The following CNDP1 variants were observed in gnomAD, a reference collection of about 807,000 sequenced individuals.
The protein encoded by CNDP1 is carnosine dipeptidase 1.
In CNDP1, 44 loss-of-function variants were observed where a neutral mutation model predicts 58.1. The ratio of observed to expected loss-of-function variants is 0.76; its 90% CI spans 0.60 to 0.97. The LOEUF is 0.97. CNDP1 is among the 50% of genes least tolerant of loss of function. The probability of loss-of-function intolerance (pLI) is 0.00; values close to 1 mark genes in which losing one functional copy is unlikely to be tolerated. For synonymous variants in CNDP1, 254 were observed against 252.6 expected, an observed-to-expected ratio of 1.01 and a Z score of -0.05; for missense variants, 616 against 655.1, an observed-to-expected ratio of 0.94 and a Z score of 0.65.
intron 1 of CNDP1, among the ~76,000 whole-genome samples, chr18:74,542,271 C>T (rs1980644970): frequency 6.6e-6 from 1 of 152,190 alleles, no homozygotes; most frequent in Admixed American, 6.5e-5. Flanking sequence ...ATTTATTAGT[C>T]ATTATTAGCC....
intron 1 of CNDP1, among the ~76,000 whole-genome samples, chr18:74,555,405 G>T (rs932547836): frequency 6.6e-6 from 1 of 152,088 alleles, no homozygotes; most frequent in African/African-American, 2.4e-5. Context: ...TCTCCAGCCC[G>T]CCTCTGATGG....
intron 5 of CNDP1, 128 bp from the exon 6 acceptor site, chr18:74,567,105 A>G (rs2144661893): frequency 1.4e-6 from 1 of 710,672 alleles, no homozygotes; most frequent in East Asian, 2.7e-5. Context: ...TGATTCAATT[A>G]CCTCCCCCTG....
intron 1 of CNDP1, among the ~76,000 whole-genome samples, chr18:74,555,825 C>T (rs1005447133): frequency 5.9e-5 from 9 of 152,126 alleles, no homozygotes; most frequent in East Asian, 1.9e-4. Flanking sequence ...CCACCTCAGA[C>T]GTTTTTCTTC....
At position 74,585,290 on chromosome 18, in the gene CNDP1, A is replaced by G. The variant is rs1031464135; in HGVS notation, c.*728A>G. On this transcript the variant is annotated 3_prime_UTR_variant, in exon 12 of 12. Coordinates refer to ENST00000358821, the MANE Select transcript of CNDP1 (RefSeq NM_032649.6). ...GTTCCTTCTTCCTGTCCCATCAGAAAAGGCCCACTCTCTCTCTATCCAACA... is the reference window on the plus strand; with the variant it reads ...GTTCCTTCTTCCTGTCCCATCAGAAGAGGCCCACTCTCTCTCTATCCAACA... The G allele has an allele frequency of 4.6e-5, 7 of 152,150 alleles. No homozygotes were observed. Among genetic ancestry groups the G allele is most frequent in the African/African-American group, 7.2e-5 (3 of 41,406 alleles). 9.4% of individuals were successfully genotyped at this position (152,150 alleles called of 1,614,324 possible).
intron 9 of CNDP1, among the ~76,000 whole-genome samples, chr18:74,579,176 C>A (rs924523703): frequency 7.0e-6 from 1 of 143,386 alleles, no homozygotes; most frequent in African/African-American, 2.6e-5. Flanking sequence ...TCTCCCTTCT[C>A]CCTTCTCCCT....
intron 6 of CNDP1, among the ~76,000 whole-genome samples, chr18:74,570,674 C>T (rs1981456227): frequency 6.6e-6 from 1 of 152,146 alleles, no homozygotes; most frequent in African/African-American, 2.4e-5. Context: ...ATCCTGTGAG[C>T]TCTTGAAGCT....
At chr18:74,561,614 T>C (rs1256043860) in intron 4 of CNDP1, 4 of 161,254 alleles carry the variant, frequency 2.5e-5, no homozygotes, top group Non-Finnish European at 5.5e-5. Context: ...TCGCCTTTTA[T>C]AAAGAAAAAG....
At chr18:74,562,244 C>T in intron 5 of CNDP1, 109 bp downstream of exon 5, 1 of 923,206 alleles carries the variant, frequency 1.1e-6, no homozygotes, top group Non-Finnish European at 1.8e-6. Context: ...CTTACTCGCC[C>T]CAACAATCTT....
chr18:74,574,515 A>G lies in CNDP1; in HGVS notation c.842-2354A>G, dbSNP rs1031498970. ...GATGTTATTTAAAATGTTCAAATCC[A>G]AGATGGCTGCTAGGCATGCAGGATT... is the stretch of plus-strand genomic sequence containing the variant. On this transcript the variant is annotated intron_variant, in intron 7 of 11. Coordinates refer to ENST00000358821, the MANE Select transcript of CNDP1 (RefSeq NM_032649.6). Among the ~76,000 whole-genome samples, 81 of 152,232 alleles carry G rather than the reference A, an allele frequency of 5.3e-4. 1 individual carries two copies. The highest frequency in any genetic ancestry group is 1.8e-3 in the African/African-American group (75 of 41,466).
chr18:74,547,665 G>A (rs919754015), intron 1 of CNDP1, among the ~76,000 whole-genome samples: 4 of 152,258 alleles, frequency 2.6e-5, no homozygotes, highest in African/African-American at 7.2e-5. Flanking sequence ...GAGCTAGGAG[G>A]GAGGTGGAGG....
At chr18:74,534,978 CA>C (rs1980450443) in intron 1 of CNDP1, among the ~76,000 whole-genome samples, 1 of 152,084 alleles carries the variant, frequency 6.6e-6, no homozygotes, top group South Asian at 2.1e-4. Context: ...CTTCTTAAAT[CA>C]ATTTTTTTCT....
chr18:74,552,087 G>C (rs1308998233), intron 1 of CNDP1, among the ~76,000 whole-genome samples: 1 of 152,178 alleles, frequency 6.6e-6, no homozygotes, highest in Non-Finnish European at 1.5e-5. Flanking sequence ...GCTGGATCTG[G>C]CTTCAGCCTT....
At chr18:74,569,988 C>A (rs1269083711) in intron 6 of CNDP1, among the ~76,000 whole-genome samples, 1 of 147,452 alleles carries the variant, frequency 6.8e-6, no homozygotes, top group African/African-American at 2.5e-5. Context: ...GAGTTCAAGA[C>A]CAGCCTGCCC....
intron 11 of CNDP1, chr18:74,583,933 T>A (rs1981850858): frequency 1.9e-6 from 1 of 532,450 alleles, no homozygotes; most frequent in Non-Finnish European, 3.4e-6. Context: ...TTCCTGGCCG[T>A]CCCTGCGATG....
intron 5 of CNDP1, among the ~76,000 whole-genome samples, chr18:74,562,347 G>A (rs2144658203): frequency 6.6e-6 from 1 of 152,178 alleles, no homozygotes; most frequent in East Asian, 1.9e-4. Context: ...TGAAGCTGGT[G>A]GCAAGGCTGA....
At chr18:74,559,597 C>A in intron 3 of CNDP1, 125 bp downstream of exon 3, 3 of 827,112 alleles carry the variant, frequency 3.6e-6, no homozygotes, top group Non-Finnish European at 5.5e-6. Flanking sequence ...CCCCAATTCC[C>A]AATGAAGATG....
At chr18:74,548,731 T>G (rs894671690) in intron 1 of CNDP1, among the ~76,000 whole-genome samples, 4 of 152,204 alleles carry the variant, frequency 2.6e-5, no homozygotes, top group Non-Finnish European at 5.9e-5. Flanking sequence ...AGAGACTGGT[T>G]AATGGTTGTG....
rs1218629717 is a variant in CNDP1 at position 74,561,032 on chromosome 18, C to T, written c.466+14C>T. The T allele has an allele frequency of 6.2e-7, 1 of 1,608,928 alleles. No homozygotes were observed. ...CGGAGGTAGACGGTCAGTGAGGCGC[C>T]CGGGCTACAGTGCGGTGCTGCTGTG... On this transcript the variant is annotated intron_variant, in intron 4 of 11. Coordinates refer to ENST00000358821, the MANE Select transcript of CNDP1 (RefSeq NM_032649.6).
intron 1 of CNDP1, among the ~76,000 whole-genome samples, chr18:74,553,408 T>C (rs1227053691): frequency 1.3e-5 from 2 of 152,164 alleles, no homozygotes; most frequent in African/African-American, 4.8e-5. Flanking sequence ...TTCATTTAGG[T>C]CTTTGATCAT....
Sources: allele counts gnomAD v4.1 joint callset (sites outside exome capture counted in the v4.1 genomes callset), GRCh38; gene constraint gnomAD v4.1.1; transcripts MANE v1.5; gene names NCBI Gene and HGNC (gene_info 2026-07-23, HGNC 2026-07-21).